Variants in CNTN6 observed in about 807,000 individuals in gnomAD.
CNTN6 encodes the protein contactin-6.
A neutral mutation model predicts 122.8 loss-of-function variants in CNTN6; 137 were observed. That is an observed-to-expected ratio of 1.12 (90% CI 0.97 to 1.29). The LOEUF (loss-of-function observed/expected upper bound fraction) is 1.29, where lower values mean the gene tolerates loss of function less well. CNTN6 is among the 50% of genes most tolerant of loss of function. The pLI is 0.00. For synonymous variants in CNTN6, 570 were observed against 426.0 expected, an observed-to-expected ratio of 1.34 and a Z score of -4.16; for missense variants, 1,634 against 1,223.4, an observed-to-expected ratio of 1.34 and a Z score of -5.01.
At chr3:1,278,886 C>CTGTT (rs200487616) in intron 5 of CNTN6, among the ~76,000 whole-genome samples, 30 of 152,234 alleles carry the variant, frequency 2.0e-4, no homozygotes, top group East Asian at 9.6e-4. Flanking sequence ...GAGACATTAA[C>CTGTT]TGTTTGTTTG....
At position 1,329,858 on chromosome 3, in the gene CNTN6, C is replaced by A. The variant is rs765801539; in HGVS notation, c.1287C>A (p.Ile429=). 2 of 1,610,822 alleles carry A rather than the reference C, an allele frequency of 1.2e-6. No homozygotes were observed. Among genetic ancestry groups the A allele is most frequent in the Non-Finnish European group, 8.5e-7 (1 of 1,177,958 alleles). ...TTCAAGTTGGTGGGGATATTGTTATCGGATGCAAACCAAATGCTTTTCCCA... is the reference window on the plus strand; with the variant it reads ...TTCAAGTTGGTGGGGATATTGTTATAGGATGCAAACCAAATGCTTTTCCCA... ...SFVQVGGDIV[I]GCKPNAFPRA... Residue 429 remains isoleucine, a synonymous_variant, in exon 11 of 23, where the codon ATC becomes ATA. Transcript: ENST00000446702.
chr3:1,119,195 T>G (rs73105119), intron 1 of CNTN6, among the ~76,000 whole-genome samples: 7,522 of 151,916 alleles, frequency 0.05, 658 homozygotes, highest in African/African-American at 0.17. Flanking sequence ...ATTTCAGGTT[T>G]TTTTTTTTTA....
At chr3:1,354,251 TTATGA>T (rs141891531) in intron 12 of CNTN6, among the ~76,000 whole-genome samples, 58,179 of 150,490 alleles carry the variant, frequency 0.39, 12,546 homozygotes, top group African/African-American at 0.57. Context: ...TTCCTAGTAC[TTATGA>T]TAGAAATAAG....
rs73819707 is a variant in CNTN6, at chr3:1,331,279, T to G, written c.1364+1344T>G. On this transcript the variant is annotated intron_variant, in intron 11 of 22. Transcript: ENST00000446702. ...TTCCCAGGACAGGAATTATGTCACA[T>G]TTATCTTTGTATGTCCTGTGCCTTG... is the stretch of plus-strand genomic sequence containing the variant. Among the ~76,000 whole-genome samples the G allele has an allele frequency of 6.5e-3, 988 of 152,128 alleles. 11 individuals carry two copies. The highest frequency in any genetic ancestry group is 0.022 in the African/African-American group (933 of 41,550).
In CNTN6 at chr3:1,173,777, G is replaced by GAA. The variant is rs34158436; in HGVS notation, c.55+25727_55+25728dup. Among the ~76,000 whole-genome samples, 1,157 of 143,868 alleles carry GAA rather than the reference G, an allele frequency of 8.0e-3. 11 individuals are homozygous for GAA. The highest frequency in any genetic ancestry group is 0.024 in the African/African-American group (939 of 39,432). The allele number at this position is 143,868 out of a possible 152,430, so 94.4% of individuals were successfully genotyped here. A position where few individuals can be genotyped will look rare whatever the true frequency, so the allele number is the denominator to read the frequency against. On this transcript the variant is annotated intron_variant, in intron 2 of 22. Transcript: ENST00000446702. ...CTGTTTCCTGTATTTTCCTTTTGGG[G>GAA]AAAAAAAAAAAAAACTAAAATAATG...
At chr3:1,161,637 G>A (rs936618405) in intron 2 of CNTN6, among the ~76,000 whole-genome samples, 16 of 151,648 alleles carry the variant, frequency 1.1e-4, no homozygotes, top group Non-Finnish European at 1.6e-4. Context: ...GTTGAGCTAT[G>A]TTTTATTTTT....
intron 5 of CNTN6, among the ~76,000 whole-genome samples, chr3:1,279,526 G>A (rs1693001847): frequency 6.6e-6 from 1 of 152,272 alleles, no homozygotes; most frequent in South Asian, 2.1e-4. Context: ...GTACACTATA[G>A]AGAAATAGAA....
At chr3:1,388,245 T>C (rs1176972519) in intron 20 of CNTN6, among the ~76,000 whole-genome samples, 2 of 148,970 alleles carry the variant, frequency 1.3e-5, no homozygotes, top group African/African-American at 4.9e-5. Flanking sequence ...CTCAAGTGGG[T>C]CCCTGACCCC....
chr3:1,292,324 A>G (rs262807), intron 5 of CNTN6, among the ~76,000 whole-genome samples: 249 of 152,256 alleles, frequency 1.6e-3, no homozygotes, highest in African/African-American at 5.6e-3. Flanking sequence ...CAGAGGCAAA[A>G]TCAAAGTTTT....
At chr3:1,334,324 C>T (rs975621447) in intron 11 of CNTN6, among the ~76,000 whole-genome samples, 6 of 151,644 alleles carry the variant, frequency 4.0e-5, no homozygotes, top group African/African-American at 1.5e-4. Flanking sequence ...GGTCTCAGAT[C>T]TATCACTGAT....
chr3:1,295,874 C>G, intron 6 of CNTN6, 70 bp downstream of exon 6: 1 of 1,383,778 alleles, frequency 7.2e-7, no homozygotes, highest in South Asian at 1.3e-5. Flanking sequence ...ATTCGTAAAG[C>G]TTTCTGCTTC....
intron 12 of CNTN6, among the ~76,000 whole-genome samples, chr3:1,367,390 G>A (rs919772215): frequency 6.6e-6 from 1 of 151,828 alleles, no homozygotes; most frequent in African/African-American, 2.4e-5. Context: ...ATTTCTTAGC[G>A]TGACATCCAG....
Position 1,386,288 on chromosome 3 carries a change from A to C in CNTN6, c.2704+491A>C, listed in dbSNP as rs865932995. Among the ~76,000 whole-genome samples the C allele has an allele frequency of 1.6e-4, 24 of 152,154 alleles. 1 individual carries two copies. The highest frequency in any genetic ancestry group is 5.6e-4 in the African/African-American group (23 of 41,436). On this transcript the variant is annotated intron_variant, in intron 20 of 22. Transcript: ENST00000446702. ...TTTTTTGTTTTGTCATTTGAGTCCG[A>C]GTATATTCACATGTGATCCTACAAC...
rs1240143018 is a variant in CNTN6 at position 1,229,256 on chromosome 3, A to C, written c.358+1263A>C. 2.0e-5 allele frequency among the ~76,000 whole-genome samples: 3 copies of C among 152,216 alleles called. No homozygotes were observed. In the East Asian group the frequency reaches 5.8e-4, roughly 29 times the overall value. On this transcript the variant is annotated intron_variant, in intron 4 of 22. Transcript: ENST00000446702. ...TAAGACTATCACCTGGAAAAATAAT[A>C]GGGAACAAAATAACATAAAAACTTA...
At chr3:1,377,176 T>TA (rs1575948994) in intron 17 of CNTN6, 101 bp downstream of exon 17, 5 of 714,658 alleles carry the variant, frequency 7.0e-6, no homozygotes, top group African/African-American at 3.6e-5. Context: ...ATTGAGAGCG[T>TA]AAAAAAATAT....
At chr3:1,383,622 G>A (rs911831290) in intron 19 of CNTN6, among the ~76,000 whole-genome samples, 2 of 151,920 alleles carry the variant, frequency 1.3e-5, no homozygotes, top group Non-Finnish European at 2.9e-5. Flanking sequence ...GACAGAATTC[G>A]AGAGTGAGCC....
chr3:1,136,878 T>C (rs1006314757), intron 1 of CNTN6, among the ~76,000 whole-genome samples: 17 of 152,182 alleles, frequency 1.1e-4, no homozygotes, highest in African/African-American at 4.1e-4. Flanking sequence ...CCAGTTTCAG[T>C]CTCTTCACCT....
At chr3:1,238,314 T>G (rs914800795) in intron 4 of CNTN6, among the ~76,000 whole-genome samples, 2 of 152,042 alleles carry the variant, frequency 1.3e-5, no homozygotes, top group African/African-American at 4.8e-5. Context: ...AAAACATACT[T>G]CAAAGCAACA....
intron 4 of CNTN6, among the ~76,000 whole-genome samples, chr3:1,253,800 T>C (rs1240101770): frequency 6.6e-6 from 1 of 152,158 alleles, no homozygotes; most frequent in Non-Finnish European, 1.5e-5. Flanking sequence ...CCTCCTGCTG[T>C]GCAGTCAGAT....
Sources: gnomAD v4.1 joint callset for allele counts (sites outside exome capture counted in the v4.1 genomes callset) on GRCh38, gnomAD v4.1.1 for gene constraint, MANE v1.5 for transcripts, NCBI Gene and HGNC (gene_info 2026-07-23, HGNC 2026-07-21) for gene names.